The following FHOD3 variants were observed in gnomAD, a reference collection of about 807,000 sequenced individuals.
FHOD3 encodes formin homology 2 domain containing 3.
In FHOD3, 90 loss-of-function variants were observed where a neutral mutation model predicts 173.0. The ratio of observed to expected loss-of-function variants is 0.52; its 90% confidence interval spans 0.44 to 0.62. The LOEUF (loss-of-function observed/expected upper bound fraction) is 0.62, where lower values mean the gene tolerates loss of function less well. Among genes scored for constraint, FHOD3 ranks in the 20% least tolerant of loss-of-function variants. The pLI, the probability that FHOD3 is intolerant of heterozygous loss-of-function variation, is 0.00. For missense variants in FHOD3, 1,945 were observed against 2,034.7 expected (o/e 0.96, Z 0.85); for synonymous variants, 828 against 823.0 (o/e 1.01, Z -0.10).
rs1230788632 is a variant in FHOD3 at position 36,693,411 on chromosome 18, C to T, written c.2224C>T (p.His742Tyr). 1.2e-6 allele frequency: 2 copies of T among 1,613,624 alleles called. No homozygotes were observed. The highest frequency in any genetic ancestry group is 2.2e-5 in the East Asian group (1 of 44,846). Reference protein sequence around the residue: ...TVSASSPGTPHHPQASAGDPE... With the variant: ...TVSASSPGTPYHPQASAGDPE... ...GTCTGCCTCCTCCCCAGGAACCCCT[C>T]ACCATCCCCAAGGTGAGTACAGGGA... Residue 742 changes from histidine (H) to tyrosine (Y), a missense_variant, in exon 17 of 29, where the codon CAC becomes TAC. By Grantham distance (83) the His-to-Tyr change is moderately conservative. This residue lies in a region of FHOD3 where 1,099 missense variants were observed against 1,051.2 expected (regional missense o/e 1.05). Coordinates refer to ENST00000590592, the MANE Select transcript of FHOD3 (RefSeq NM_001281740.3).
chr18:36,345,419 A>C (rs1036775651), intron 1 of FHOD3, among the ~76,000 whole-genome samples: 2 of 152,232 alleles, frequency 1.3e-5, no homozygotes. Flanking sequence ...ATTTACTTAG[A>C]GGAAAATTAT....
At chr18:36,381,087 T>TA (rs1286006529) in intron 3 of FHOD3, among the ~76,000 whole-genome samples, 1 of 152,226 alleles carries the variant, frequency 6.6e-6, no homozygotes, top group Non-Finnish European at 1.5e-5. Flanking sequence ...TCTCTACAGA[T>TA]ACAATTGCCG....
intron 3 of FHOD3, among the ~76,000 whole-genome samples, chr18:36,473,458 A>G (rs2053392925): frequency 6.6e-6 from 1 of 152,150 alleles, no homozygotes. Flanking sequence ...CTGAATCAGA[A>G]CCTACATTTG....
chr18:36,308,498 T>C (rs184443627), intron 1 of FHOD3, among the ~76,000 whole-genome samples: 3 of 152,288 alleles, frequency 2.0e-5, no homozygotes, highest in African/African-American at 7.2e-5. Flanking sequence ...TCAGAGATGA[T>C]TGTTAAAACC....
intron 3 of FHOD3, among the ~76,000 whole-genome samples, chr18:36,492,619 T>C (rs772749181): frequency 5.3e-5 from 8 of 152,200 alleles, no homozygotes; most frequent in Non-Finnish European, 7.3e-5. Flanking sequence ...TACTCATAAG[T>C]ATTTAAAATG....
intron 1 of FHOD3, among the ~76,000 whole-genome samples, chr18:36,322,347 G>C (rs961888381): frequency 6.6e-6 from 1 of 152,146 alleles, no homozygotes; most frequent in Non-Finnish European, 1.5e-5. Flanking sequence ...CCTCTCGAGA[G>C]GGTTATGGGG....
At chr18:36,416,269 G>A (rs1165669600) in intron 3 of FHOD3, among the ~76,000 whole-genome samples, 1 of 152,192 alleles carries the variant, frequency 6.6e-6, no homozygotes, top group Non-Finnish European at 1.5e-5. Context: ...TCTTGACCTC[G>A]TGATCCGCCT....
intron 3 of FHOD3, among the ~76,000 whole-genome samples, chr18:36,375,848 G>A: frequency 6.6e-6 from 1 of 152,174 alleles, no homozygotes. Context: ...TTGTACCTCT[G>A]TGCTTTATCT....
chr18:36,717,194 G>A (rs1208905846), intron 18 of FHOD3, among the ~76,000 whole-genome samples: 1 of 152,112 alleles, frequency 6.6e-6, no homozygotes, highest in Non-Finnish European at 1.5e-5. Context: ...CACTGAACTT[G>A]GAGGCAAGGT....
chr18:36,774,656 C>T lies in FHOD3; in HGVS notation c.4787-4792C>T, dbSNP rs575626183. On this transcript the variant is annotated intron_variant, in intron 28 of 28. Coordinates refer to ENST00000590592, the MANE Select transcript of FHOD3 (RefSeq NM_001281740.3). The stretch of plus-strand genomic sequence containing the variant: ...GTTGTTCTGGGTTTTATCGCTTCAA[C>T]GTTTTATTCTGAAAAAATATAAGAC... 5.9e-5 allele frequency among the ~76,000 whole-genome samples: 9 copies of T among 152,198 alleles called. No individual in the cohort carries two copies. In the South Asian group the frequency reaches 8.3e-4, roughly 14 times the overall value.
At position 36,746,954 on chromosome 18, in the gene FHOD3, G is replaced by T. The variant is rs773510270; in HGVS notation, c.4051G>T (p.Asp1351Tyr). 6.2e-7 allele frequency: 1 copy of T among 1,606,856 alleles called. No homozygotes were observed. The highest frequency in any genetic ancestry group is 8.5e-7 in the Non-Finnish European group (1 of 1,176,838). ...TCGCTCTGATTTTCAGGTTGACTTT[G>T]ATCAACTTCAGGATAATTTATGTCA... ...AITRSAKVDF[D>Y]QLQDNLCQME... The change falls in exon 24 of 29, where the codon GAT (aspartate) becomes TAT (tyrosine). Residue 1351 changes from aspartate to tyrosine, a missense_variant. Physicochemically the swap from Asp to Tyr is radical, Grantham distance 160. Around this residue, in one of 5 missense-constraint regions of FHOD3, gnomAD observed 354 missense variants for 359.9 expected, o/e 0.98. Coordinates refer to ENST00000590592, the MANE Select transcript of FHOD3 (RefSeq NM_001281740.3).
intron 1 of FHOD3, among the ~76,000 whole-genome samples, chr18:36,302,825 G>GTTT (rs1183257041): frequency 1.3e-5 from 2 of 152,228 alleles, no homozygotes; most frequent in African/African-American, 4.8e-5. Context: ...TAAGAATGTT[G>GTTT]TATGAACAGC....
At chr18:36,492,959 A>C (rs140974468) in intron 3 of FHOD3, among the ~76,000 whole-genome samples, 1 of 152,330 alleles carries the variant, frequency 6.6e-6, no homozygotes, top group African/African-American at 2.4e-5. Context: ...CATACGGCCA[A>C]TTCCATTTCT....
chr18:36,641,825 G>A (rs1293347179), intron 10 of FHOD3, among the ~76,000 whole-genome samples: 1 of 151,946 alleles, frequency 6.6e-6, no homozygotes, highest in Non-Finnish European at 1.5e-5. Flanking sequence ...GTGTGGTGGT[G>A]CATGCCTGTT....
At chr18:36,667,445 G>A (rs757511302) in intron 14 of FHOD3, among the ~76,000 whole-genome samples, 1 of 152,172 alleles carries the variant, frequency 6.6e-6, no homozygotes, top group African/African-American at 2.4e-5. Context: ...CATTGAATTT[G>A]TAGTTGTAAA....
intron 28 of FHOD3, among the ~76,000 whole-genome samples, chr18:36,772,197 C>T (rs934213763): frequency 1.3e-5 from 2 of 152,168 alleles, no homozygotes; most frequent in Non-Finnish European, 2.9e-5. Flanking sequence ...ACAAGTACAG[C>T]ACAGCATGTA....
rs555105179 is a variant in FHOD3 at position 36,348,137 on chromosome 18, GCT to G, written c.166-7397_166-7396del. ...GACATGTGGCACTGCTTGTTGGAAA[GCT>G]CTCTTTCCTAACATTTTTTGCTTGT... On this transcript the variant is annotated intron_variant, in intron 1 of 28. Transcript: ENST00000590592. Among the ~76,000 whole-genome samples the G allele has an allele frequency of 3.9e-5, 6 of 152,196 alleles. No homozygotes were observed. In the South Asian group the frequency reaches 1.0e-3, roughly 26 times the overall value.
chr18:36,754,324 C>A (rs193021261), intron 24 of FHOD3, among the ~76,000 whole-genome samples: 1 of 152,050 alleles, frequency 6.6e-6, no homozygotes, highest in Non-Finnish European at 1.5e-5. Context: ...GTATCATTTG[C>A]GTAATGTTGT....
At chr18:36,564,049 C>T (rs910879281) in intron 5 of FHOD3, among the ~76,000 whole-genome samples, 2 of 152,092 alleles carry the variant, frequency 1.3e-5, no homozygotes, top group East Asian at 1.9e-4. Context: ...CTGCTTTTCC[C>T]GGGTTCATTG....
Sources: allele counts gnomAD v4.1 joint callset (sites outside exome capture counted in the v4.1 genomes callset), GRCh38; gene constraint gnomAD v4.1.1; regional missense constraint gnomAD v4.1.1; transcripts MANE v1.5; gene names NCBI Gene and HGNC (gene_info 2026-07-23, HGNC 2026-07-21).